PPM1L: variants seen among roughly 807,000 people sequenced by gnomAD.
The protein encoded by PPM1L is protein phosphatase 1L.
PPM1L carries 13 observed loss-of-function variants against 31.4 expected under a neutral mutation model. The observed-to-expected ratio is 0.41, with a 90% CI of 0.27 to 0.66. The LOEUF (loss-of-function observed/expected upper bound fraction) is 0.66, where lower values mean the gene tolerates loss of function less well. PPM1L is among the 30% of genes least tolerant of loss of function. PPM1L has a pLI of 0.29. For synonymous variants in PPM1L, 184 were observed against 175.4 expected (o/e 1.05, Z -0.39); for missense variants, 326 against 453.7 (o/e 0.72, Z 2.56).
At chr3:160,835,028 TTACTAC>T (rs1159075146) in intron 1 of PPM1L, among the ~76,000 whole-genome samples, 18 of 105,168 alleles carry the variant, frequency 1.7e-4, no homozygotes, top group African/African-American at 8.2e-4. Context: ...ACTACTACTA[TTACTAC>T]TACTACTTCT....
intron 1 of PPM1L, among the ~76,000 whole-genome samples, chr3:160,813,068 G>T (rs929442805): frequency 6.6e-6 from 1 of 151,906 alleles, no homozygotes; most frequent in Non-Finnish European, 1.5e-5. Context: ...TTTTGAACTG[G>T]CTAGAGAAAA....
At chr3:160,816,900 T>A (rs908635164) in intron 1 of PPM1L, among the ~76,000 whole-genome samples, 1 of 152,126 alleles carries the variant, frequency 6.6e-6, no homozygotes, top group Non-Finnish European at 1.5e-5. Context: ...CTGTTATGTC[T>A]GAGTCTTTTT....
chr3:160,814,573 GTATA>G (rs761093753), intron 1 of PPM1L, among the ~76,000 whole-genome samples: 1 of 87,316 alleles, frequency 1.1e-5, no homozygotes, highest in Non-Finnish European at 2.3e-5. Flanking sequence ...GTATGTATGT[GTATA>G]TATATACACA....
chr3:160,967,878 A>G (rs1236221432), intron 2 of PPM1L, among the ~76,000 whole-genome samples: 1 of 152,072 alleles, frequency 6.6e-6, no homozygotes, highest in East Asian at 1.9e-4. Context: ...TGGCATGAAC[A>G]GGACCTCATA....
chr3:161,063,478 T>A (rs1315491914), intron 2 of PPM1L, among the ~76,000 whole-genome samples: 2 of 140,098 alleles, frequency 1.4e-5, no homozygotes. Context: ...ATTATGATAG[T>A]TATTTTAATT....
intron 1 of PPM1L, among the ~76,000 whole-genome samples, chr3:160,861,209 A>C (rs987162893): frequency 6.6e-6 from 1 of 152,192 alleles, no homozygotes; most frequent in Non-Finnish European, 1.5e-5. Flanking sequence ...TGTGGCATTA[A>C]CCCAAAGAGT....
At chr3:160,830,706 A>G (rs574790092) in intron 1 of PPM1L, among the ~76,000 whole-genome samples, 67 of 152,304 alleles carry the variant, frequency 4.4e-4, no homozygotes, top group Middle Eastern at 6.8e-3. Context: ...GGAGAAAACT[A>G]TGACCTAAAA....
Position 161,078,717 on chromosome 3 carries a change from G to A in PPM1L, c.*9560G>A, listed in dbSNP as rs13256. ...GAGCTCAGAGTATATGGCAGTGCAC[G>A]GTCACTCAAGATGCATGGCGTGTCA... On this transcript the variant is annotated 3_prime_UTR_variant, in exon 4 of 4. Coordinates refer to ENST00000498165, the MANE Select transcript of PPM1L (RefSeq NM_139245.4). 41,634 of 152,026 alleles carry A rather than the reference G, an allele frequency of 0.27. 6,149 individuals are homozygous for A. The highest frequency in any genetic ancestry group is 0.55 in the East Asian group (2,854 of 5,152). The allele number at this position is 152,026 out of a possible 1,614,324, so 9.4% of individuals were successfully genotyped here.
chr3:161,008,970 G>C (rs942906971), intron 2 of PPM1L, among the ~76,000 whole-genome samples: 4 of 152,170 alleles, frequency 2.6e-5, no homozygotes, highest in Non-Finnish European at 4.4e-5. Flanking sequence ...AGACCAGCTA[G>C]AGAGTAAATG....
chr3:160,953,146 C>G (rs1357646222), intron 1 of PPM1L, among the ~76,000 whole-genome samples: 1 of 152,102 alleles, frequency 6.6e-6, no homozygotes, highest in Admixed American at 6.5e-5. Context: ...AATTGGGTCT[C>G]TATATCAGGA....
chr3:160,768,912 G>A (rs1021703125), intron 1 of PPM1L, among the ~76,000 whole-genome samples: 2 of 152,172 alleles, frequency 1.3e-5, no homozygotes, highest in Non-Finnish European at 2.9e-5. Flanking sequence ...TTCCCTCATG[G>A]TTCCAAGATG....
intron 1 of PPM1L, among the ~76,000 whole-genome samples, chr3:160,887,158 AG>A (rs1042047162): frequency 8.6e-5 from 13 of 152,046 alleles, no homozygotes; most frequent in African/African-American, 3.1e-4. Flanking sequence ...ACAAGATTAG[AG>A]AAAAAACAAT....
At chr3:160,988,531 G>C (rs1717036484) in intron 2 of PPM1L, among the ~76,000 whole-genome samples, 1 of 152,154 alleles carries the variant, frequency 6.6e-6, no homozygotes, top group Admixed American at 6.5e-5. Flanking sequence ...TAACTGATCA[G>C]CTTAGCTTAG....
At chr3:160,802,361 A>C (rs890255046) in intron 1 of PPM1L, among the ~76,000 whole-genome samples, 1 of 152,152 alleles carries the variant, frequency 6.6e-6, no homozygotes, top group Admixed American at 6.6e-5. Context: ...CAGCTGAACA[A>C]GTGGCTAGAA....
At chr3:161,043,068 G>A (rs6808311) in intron 2 of PPM1L, among the ~76,000 whole-genome samples, 64,741 of 146,654 alleles carry the variant, frequency 0.44, 15,401 homozygotes, top group East Asian at 0.7. Flanking sequence ...ATCAGTGGTT[G>A]ACTTCATTAC....
At chr3:160,795,949 G>C (rs1712235279) in intron 1 of PPM1L, among the ~76,000 whole-genome samples, 1 of 152,068 alleles carries the variant, frequency 6.6e-6, no homozygotes, top group Non-Finnish European at 1.5e-5. Context: ...TATTTTCCCA[G>C]AGAAAGCCCT....
intron 2 of PPM1L, among the ~76,000 whole-genome samples, chr3:160,982,092 C>A (rs935864083): frequency 2.0e-5 from 3 of 152,152 alleles, no homozygotes; most frequent in Non-Finnish European, 4.4e-5. Context: ...TCACTACCTG[C>A]ATCTCATTTC....
At chr3:160,852,558 A>G (rs1711558746) in intron 1 of PPM1L, among the ~76,000 whole-genome samples, 1 of 152,196 alleles carries the variant, frequency 6.6e-6, no homozygotes, top group African/African-American at 2.4e-5. Context: ...CATTCATCCA[A>G]AGAACCATAT....
intron 1 of PPM1L, among the ~76,000 whole-genome samples, chr3:160,769,616 G>A: frequency 6.8e-6 from 1 of 147,992 alleles, no homozygotes; most frequent in South Asian, 2.2e-4. Context: ...AACAAGGTGG[G>A]TTTTTTTTTT....
Sources: gnomAD v4.1 joint callset for allele counts (sites outside exome capture counted in the v4.1 genomes callset) on GRCh38, gnomAD v4.1.1 for gene constraint, MANE v1.5 for transcripts, NCBI Gene and HGNC (gene_info 2026-07-23, HGNC 2026-07-21) for gene names.